Variants in SLC49A4 observed in about 807,000 individuals in gnomAD.
SLC49A4 encodes solute carrier family 49 member 4, also known as disrupted in renal cancer protein 2.
Under a neutral mutation model 50.6 loss-of-function variants are expected in SLC49A4, and 36 were observed. That is an observed-to-expected ratio of 0.71 (90% CI 0.55 to 0.94). The LOEUF is 0.94. Among genes scored for constraint, SLC49A4 ranks in the 40% least tolerant of loss-of-function variants. The pLI, the probability that SLC49A4 is intolerant of heterozygous loss-of-function variation, is 0.00. For missense variants in SLC49A4, 503 were observed against 605.7 expected, an observed-to-expected ratio of 0.83 and a Z score of 1.78; for synonymous variants, 248 against 241.2, an observed-to-expected ratio of 1.03 and a Z score of -0.26.
At chr3:122,836,505 C>T (rs922867037) in intron 4 of SLC49A4, among the ~76,000 whole-genome samples, 3 of 152,034 alleles carry the variant, frequency 2.0e-5, no homozygotes, top group Non-Finnish European at 4.4e-5. Flanking sequence ...TGATGCTGGC[C>T]TCATAAAATG....
intron 8 of SLC49A4, among the ~76,000 whole-genome samples, chr3:122,872,971 G>A (rs73856736): frequency 0.024 from 3,713 of 152,022 alleles, 138 homozygotes; most frequent in African/African-American, 0.082. Flanking sequence ...AAACTACTTC[G>A]AATCTCTCTT....
At chr3:122,853,674 C>G in intron 5 of SLC49A4, among the ~76,000 whole-genome samples, 1 of 152,162 alleles carries the variant, frequency 6.6e-6, no homozygotes, top group East Asian at 1.9e-4. Context: ...ATGAGAGGAT[C>G]ACTTGAGCCC....
rs760690547 is a variant in SLC49A4, at chr3:122,795,345, C to T, written c.153C>T (p.Arg51=). ...GTCCCGGGCGGGTATACGGGCGCCGCTGGCTGGTGCTGCTGCTCTTCTCGC... is the reference window on the plus strand; with the variant it reads ...GTCCCGGGCGGGTATACGGGCGCCGTTGGCTGGTGCTGCTGCTCTTCTCGC... ...VPGPGRVYGR[R]WLVLLLFSLL... The change falls in exon 1 of 9, where the codon CGC becomes CGT. Residue 51 remains arginine (R), a synonymous_variant. Coordinates refer to ENST00000261038, the MANE Select transcript of SLC49A4 (RefSeq NM_032839.3). The T allele has an allele frequency of 9.5e-5, 149 of 1,562,802 alleles. No homozygotes were observed. The highest frequency in any genetic ancestry group is 8.1e-5 in the South Asian group (7 of 86,414).
chr3:122,828,459 G>A (rs1456172575), intron 3 of SLC49A4, among the ~76,000 whole-genome samples: 2 of 152,188 alleles, frequency 1.3e-5, no homozygotes, highest in Non-Finnish European at 2.9e-5. Context: ...GAAACTTAAA[G>A]GAGAAGTCCA....
intron 2 of SLC49A4, among the ~76,000 whole-genome samples, chr3:122,812,485 T>G (rs1253186552): frequency 2.6e-5 from 4 of 152,230 alleles, no homozygotes; most frequent in Non-Finnish European, 5.9e-5. Context: ...AAAATATCAT[T>G]CACAGATTTC....
Position 122,806,978 on chromosome 3 carries a change from C to T in SLC49A4, c.437+28C>T, listed in dbSNP as rs1489967224. The T allele has an allele frequency of 2.2e-6, 3 of 1,347,558 alleles. No homozygotes were observed. The African/African-American group carries it at 4.4e-5, about 20-fold the overall frequency. The allele number at this position is 1,347,558 out of a possible 1,614,324, so 83.5% of individuals were successfully genotyped here. ...AAATCCTGTAAATAACATTTCTCCC[C>T]CATTTTTCATTTTATTATGTGTATA... On this transcript the variant is annotated intron_variant, in intron 2 of 8. Coordinates refer to ENST00000261038, the MANE Select transcript of SLC49A4 (RefSeq NM_032839.3).
chr3:122,822,693 C>G (rs1347231880), intron 2 of SLC49A4, among the ~76,000 whole-genome samples: 1 of 152,120 alleles, frequency 6.6e-6, no homozygotes, highest in African/African-American at 2.4e-5. Flanking sequence ...TCCTCTTTTG[C>G]TTTTTTTCTG....
In SLC49A4 at chr3:122,812,639, C is replaced by T. The variant is rs117207943; in HGVS notation, c.437+5689C>T. Reference sequence around the variant, plus strand: ...AAATTTGAGAACTACTTTCCTAGTTCCCTAGTCTTATACTCATTTAAATTT... The same window carrying T: ...AAATTTGAGAACTACTTTCCTAGTTTCCTAGTCTTATACTCATTTAAATTT... On this transcript the variant is annotated intron_variant, in intron 2 of 8. Transcript: ENST00000261038. 7.1e-4 allele frequency among the ~76,000 whole-genome samples: 108 copies of T among 152,266 alleles called. 4 individuals carry two copies. The East Asian group carries it at 0.017, about 24-fold the overall frequency.
At chr3:122,808,444 A>G (rs763037809) in intron 2 of SLC49A4, among the ~76,000 whole-genome samples, 20 of 152,214 alleles carry the variant, frequency 1.3e-4, no homozygotes, top group Non-Finnish European at 1.2e-4. Flanking sequence ...ATGATGCAGT[A>G]TCTAGGAATC....
chr3:122,829,201 T>G (rs964878905), intron 3 of SLC49A4, among the ~76,000 whole-genome samples: 1 of 152,214 alleles, frequency 6.6e-6, no homozygotes, highest in East Asian at 1.9e-4. Flanking sequence ...GCAAACTGAT[T>G]CCAGCAACAT....
chr3:122,833,813 T>C (rs1325921812), intron 4 of SLC49A4, among the ~76,000 whole-genome samples: 1 of 152,186 alleles, frequency 6.6e-6, no homozygotes, highest in Non-Finnish European at 1.5e-5. Flanking sequence ...AATATGCACA[T>C]TATTTTAACT....
At chr3:122,811,538 T>A (rs1193414525) in intron 2 of SLC49A4, among the ~76,000 whole-genome samples, 1 of 152,218 alleles carries the variant, frequency 6.6e-6, no homozygotes, top group Non-Finnish European at 1.5e-5. Context: ...CAAATATACA[T>A]GTCTTTAACC....
chr3:122,833,264 T>G, intron 3 of SLC49A4, 53 bp from the exon 4 acceptor site: 16 of 1,561,592 alleles, frequency 1.0e-5, no homozygotes, highest in Non-Finnish European at 1.4e-5. Context: ...ATACTTGAAG[T>G]CTTCAACTTT....
At chr3:122,865,643 GT>G (rs1937109515) in intron 7 of SLC49A4, among the ~76,000 whole-genome samples, 1 of 152,076 alleles carries the variant, frequency 6.6e-6, no homozygotes, top group South Asian at 2.1e-4. Flanking sequence ...GCTGCTTGTT[GT>G]TTCTCTTTAT....
At chr3:122,848,102 G>T (rs1936881111) in intron 5 of SLC49A4, among the ~76,000 whole-genome samples, 4 of 152,242 alleles carry the variant, frequency 2.6e-5, no homozygotes, top group South Asian at 4.1e-4. Context: ...AAGTTCTGTT[G>T]GACAGTGCTG....
At chr3:122,849,457 C>T (rs1936897537) in intron 5 of SLC49A4, among the ~76,000 whole-genome samples, 1 of 152,154 alleles carries the variant, frequency 6.6e-6, no homozygotes. Flanking sequence ...TGTCCAAGCA[C>T]TCCCCCTTCT....
In SLC49A4 at chr3:122,795,118, G is replaced by A; in HGVS notation, c.-75G>A. The A allele has an allele frequency of 1.6e-6, 2 of 1,263,280 alleles. No homozygotes were observed. The highest frequency in any genetic ancestry group is 9.9e-7 in the Non-Finnish European group (1 of 1,009,784). 78.3% of individuals were successfully genotyped at this position (1,263,280 alleles called of 1,614,324 possible). A position where few individuals can be genotyped will look rare whatever the true frequency, so the allele number is the denominator to read the frequency against. ...AGCAGCCTCCGCCTCCTGCTGCTCA[G>A]GACTATTCTGCGCTGGGCTAGTCGG... On this transcript the variant is annotated 5_prime_UTR_variant, in exon 1 of 9. Transcript: ENST00000261038.
chr3:122,857,507 A>G (rs1267138069), intron 6 of SLC49A4, among the ~76,000 whole-genome samples: 1 of 152,136 alleles, frequency 6.6e-6, no homozygotes, highest in Non-Finnish European at 1.5e-5. Flanking sequence ...TCACCTCAAT[A>G]TCTAAATACT....
At chr3:122,851,943 T>C (rs764445110) in intron 5 of SLC49A4, among the ~76,000 whole-genome samples, 3 of 152,110 alleles carry the variant, frequency 2.0e-5, no homozygotes, top group Non-Finnish European at 2.9e-5. Flanking sequence ...AAATATGCTA[T>C]TAAATTCATC....
Sources: allele counts gnomAD v4.1 joint callset (sites outside exome capture counted in the v4.1 genomes callset), GRCh38; gene constraint gnomAD v4.1.1; transcripts MANE v1.5; gene names NCBI Gene and HGNC (gene_info 2026-07-23, HGNC 2026-07-21).